The following P3H2 variants were observed in gnomAD, a reference collection of about 807,000 sequenced individuals.
The protein encoded by P3H2 is leprecan-like 1.
P3H2 carries 80 observed loss-of-function variants against 87.0 expected under a neutral mutation model. The ratio of observed to expected loss-of-function variants is 0.92; its 90% CI spans 0.77 to 1.11. The LOEUF is 1.11. P3H2 is among the 50% of genes least tolerant of loss of function. P3H2 has a pLI of 0.00. For synonymous variants in P3H2, 367 were observed against 359.3 expected (o/e 1.02, Z -0.24); for missense variants, 1,001 against 923.9 (o/e 1.08, Z -1.08).
chr3:190,073,036 T>TA (rs1311064748), intron 1 of P3H2, among the ~76,000 whole-genome samples: 3 of 152,216 alleles, frequency 2.0e-5, no homozygotes, highest in South Asian at 2.1e-4. Flanking sequence ...CATATCACTT[T>TA]AAAAATCACA....
At chr3:190,069,720 G>A (rs563155741) in intron 1 of P3H2, among the ~76,000 whole-genome samples, 81 of 152,242 alleles carry the variant, frequency 5.3e-4, no homozygotes, top group African/African-American at 1.9e-3. Flanking sequence ...AGAAATGTCT[G>A]GAGAAGAAAG....
intron 7 of P3H2, 127 bp downstream of exon 7, chr3:189,984,423 T>C (rs1723629999): frequency 3.9e-6 from 3 of 772,588 alleles, no homozygotes; most frequent in Non-Finnish European, 6.7e-6. Flanking sequence ...GAGCTCCTAA[T>C]TCAGAGCTTA....
At chr3:190,078,010 A>G (rs1400345019) in intron 1 of P3H2, among the ~76,000 whole-genome samples, 2 of 152,220 alleles carry the variant, frequency 1.3e-5, no homozygotes, top group African/African-American at 2.4e-5. Flanking sequence ...AACTGGCCCA[A>G]GGCAAATAAA....
intron 1 of P3H2, among the ~76,000 whole-genome samples, chr3:190,066,158 T>TATATATACACACACACACAC (rs1256956930): frequency 0.015 from 2,082 of 134,472 alleles, 64 homozygotes; most frequent in African/African-American, 0.061. Flanking sequence ...TATATATATA[T>TATATATACACACACACACAC]ACACACACAC....
chr3:190,100,239 C>CA (rs1711568131), intron 1 of P3H2, among the ~76,000 whole-genome samples: 1 of 55,616 alleles, frequency 1.8e-5, no homozygotes, highest in Admixed American at 1.4e-4. Context: ...CCGTCCCCCG[C>CA]CCCCCCCGCC....
At chr3:190,001,127 G>T (rs78172628) in intron 1 of P3H2, among the ~76,000 whole-genome samples, 25 of 152,168 alleles carry the variant, frequency 1.6e-4, no homozygotes, top group Admixed American at 5.9e-4. Flanking sequence ...AAAAGGAAAC[G>T]CTTCTAAAAT....
At chr3:190,005,284 T>C (rs995003709) in intron 1 of P3H2, among the ~76,000 whole-genome samples, 2 of 152,256 alleles carry the variant, frequency 1.3e-5, no homozygotes, top group African/African-American at 4.8e-5. Flanking sequence ...GGAATCAAAG[T>C]ATGGGTTTAT....
intron 1 of P3H2, among the ~76,000 whole-genome samples, chr3:190,031,299 C>G (rs1452617014): frequency 6.6e-6 from 1 of 151,702 alleles, no homozygotes. Context: ...CAAAATAAAC[C>G]CTTGTGTACA....
chr3:189,979,529 C>T (rs2108913505), intron 8 of P3H2, among the ~76,000 whole-genome samples: 1 of 152,216 alleles, frequency 6.6e-6, no homozygotes, highest in East Asian at 1.9e-4. Flanking sequence ...AATTGAGTCA[C>T]TAGATCTTCA....
intron 1 of P3H2, among the ~76,000 whole-genome samples, chr3:190,084,495 C>T (rs754352208): frequency 6.6e-6 from 1 of 152,136 alleles, no homozygotes; most frequent in Non-Finnish European, 1.5e-5. Flanking sequence ...AAGACCTAAA[C>T]GCACATTTAA....
intron 13 of P3H2, chr3:189,969,886 G>T: frequency 9.3e-7 from 1 of 1,072,474 alleles, no homozygotes; most frequent in South Asian, 1.2e-5. Flanking sequence ...GGAAGCTGCA[G>T]TGGGCGAGCA....
chr3:189,968,086 T>TA (rs1723054533), intron 13 of P3H2, among the ~76,000 whole-genome samples: 1 of 152,222 alleles, frequency 6.6e-6, no homozygotes, highest in African/African-American at 2.4e-5. Context: ...TGGTCATCTA[T>TA]AATCTGCTTA....
rs919581691 is a variant in P3H2, at chr3:190,091,698, T to C, written c.480+28554A>G. Among the ~76,000 whole-genome samples, 9 of 152,202 alleles carry C rather than the reference T, an allele frequency of 5.9e-5. No homozygotes were observed. In the East Asian group the frequency reaches 9.6e-4, roughly 16 times the overall value. ...CAAATGAGGCTTTTTAAAGAGTACA[T>C]AGGCTGGCAGAGGAAAACAGTATTC... On this transcript the variant is annotated intron_variant, in intron 1 of 14. Transcript: ENST00000319332.
chr3:190,043,481 G>A (rs1234803192), intron 1 of P3H2, among the ~76,000 whole-genome samples: 1 of 152,162 alleles, frequency 6.6e-6, no homozygotes, highest in African/African-American at 2.4e-5. Context: ...AGAAAGAACA[G>A]CAGAGTGCAG....
chr3:190,074,273 G>A (rs1283652105), intron 1 of P3H2, among the ~76,000 whole-genome samples: 8 of 152,170 alleles, frequency 5.3e-5, no homozygotes, highest in Non-Finnish European at 8.8e-5. Flanking sequence ...ACTTCGGGAG[G>A]TCGAGGTGAA....
upstream of P3H2, chr3:190,121,480 A>G (rs1712590689): frequency 6.6e-6 from 1 of 152,236 alleles, no homozygotes; most frequent in Non-Finnish European, 1.5e-5. Flanking sequence ...GACCCAACCC[A>G]GGGCCTTTAG....
At chr3:190,111,960 TC>T (rs145198893) in intron 1 of P3H2, among the ~76,000 whole-genome samples, 1 of 152,214 alleles carries the variant, frequency 6.6e-6, no homozygotes, top group Admixed American at 6.5e-5. Context: ...ATCGTTAATG[TC>T]CCTAGGGTTA....
At chr3:190,094,869 T>C (rs1727520739) in intron 1 of P3H2, among the ~76,000 whole-genome samples, 1 of 152,178 alleles carries the variant, frequency 6.6e-6, no homozygotes, top group Non-Finnish European at 1.5e-5. Context: ...GTCAGGCAGC[T>C]AGAAAAGGAA....
intron 8 of P3H2, among the ~76,000 whole-genome samples, chr3:189,982,478 G>A (rs1381095896): frequency 6.6e-6 from 1 of 152,126 alleles, no homozygotes; most frequent in African/African-American, 2.4e-5. Flanking sequence ...TCTTACATAA[G>A]TAGGCACATA....
Sources: gnomAD v4.1 joint callset for allele counts (sites outside exome capture counted in the v4.1 genomes callset) on GRCh38, gnomAD v4.1.1 for gene constraint, MANE v1.5 for transcripts, NCBI Gene and HGNC (gene_info 2026-07-23, HGNC 2026-07-21) for gene names.